Variants in EEA1 observed in about 807,000 individuals in gnomAD.
EEA1 encodes the protein early endosome antigen 1.
EEA1 carries 111 observed loss-of-function variants against 209.2 expected under a neutral mutation model. The observed-to-expected ratio is 0.53, with a 90% CI of 0.45 to 0.62. The LOEUF is 0.62. Ranked by LOEUF, EEA1 falls within the 20% of genes least tolerant of loss-of-function variation. The pLI is 0.00. For missense variants in EEA1, 1,343 were observed against 1,530.8 expected (o/e 0.88, Z 2.05); for synonymous variants, 536 against 540.6 (o/e 0.99, Z 0.12).
chr12:92,889,308 G>C lies in EEA1; in HGVS notation c.117+2321C>G, dbSNP rs1442099563. Reference sequence around the variant, plus strand: ...AATAAGGAGAATGAACAGCTAGAGAGGTAAGAAAAAAACCAGAAGTGTGTG... The same window carrying C: ...AATAAGGAGAATGAACAGCTAGAGACGTAAGAAAAAAACCAGAAGTGTGTG... On this transcript the variant is annotated intron_variant, in intron 2 of 28. Coordinates refer to ENST00000322349, the MANE Select transcript of EEA1 (RefSeq NM_003566.4). Among the ~76,000 whole-genome samples the C allele has an allele frequency of 1.3e-5, 2 of 151,846 alleles. 1 individual carries two copies. Among genetic ancestry groups the C allele is most frequent in the South Asian group, 4.2e-4 (2 of 4,812 alleles).
intron 21 of EEA1, among the ~76,000 whole-genome samples, chr12:92,790,347 G>A (rs151022844): frequency 0.027 from 4,174 of 152,264 alleles, 90 homozygotes; most frequent in Non-Finnish European, 0.037. Context: ...AGCTAAAGGA[G>A]GATGTTCGAA....
At chr12:92,892,989 A>G (rs1470054622) in intron 1 of EEA1, among the ~76,000 whole-genome samples, 2 of 152,160 alleles carry the variant, frequency 1.3e-5, no homozygotes, top group Non-Finnish European at 2.9e-5. Context: ...TGCAAAAAAG[A>G]CCAATGCAGC....
intron 18 of EEA1, among the ~76,000 whole-genome samples, chr12:92,806,815 GTA>G (rs1184969313): frequency 7.2e-5 from 11 of 152,094 alleles, no homozygotes; most frequent in Non-Finnish European, 1.0e-4. Flanking sequence ...TGGTTTAACA[GTA>G]AATCAATCAA....
At chr12:92,885,212 C>T (rs776863399) in intron 2 of EEA1, among the ~76,000 whole-genome samples, 47 of 151,788 alleles carry the variant, frequency 3.1e-4, no homozygotes, top group Non-Finnish European at 6.3e-4. Context: ...GAGGTTGGCA[C>T]TCAAATTGTT....
At position 92,872,047 on chromosome 12, in the gene EEA1, A is replaced by ATT. The variant is rs56671465; in HGVS notation, c.118-7062_118-7061dup. Among the ~76,000 whole-genome samples the ATT allele has an allele frequency of 1.9e-3, 253 of 132,522 alleles. 9 individuals are homozygous for ATT. The highest frequency in any genetic ancestry group is 7.8e-3 in the Middle Eastern group (2 of 258). 86.9% of individuals were successfully genotyped at this position (132,522 alleles called of 152,430 possible). On this transcript the variant is annotated intron_variant, in intron 2 of 28. Coordinates refer to ENST00000322349, the MANE Select transcript of EEA1 (RefSeq NM_003566.4). Reference sequence around the variant, plus strand: ...AGGCGCGTACCACCAGGCCCAGCTAATTTTTTTTTTTTTTTTTTTGAGACG... The same window carrying ATT: ...AGGCGCGTACCACCAGGCCCAGCTAATTTTTTTTTTTTTTTTTTTTTGAGACG...
intron 13 of EEA1, among the ~76,000 whole-genome samples, chr12:92,821,997 T>C (rs1040068539): frequency 2.0e-5 from 3 of 150,628 alleles, no homozygotes; most frequent in Non-Finnish European, 3.0e-5. Context: ...TATATATATA[T>C]ACATATAACT....
At chr12:92,869,256 A>C (rs184381217) in intron 2 of EEA1, among the ~76,000 whole-genome samples, 2 of 152,352 alleles carry the variant, frequency 1.3e-5, no homozygotes, top group East Asian at 3.9e-4. Context: ...AGCCAGCTAC[A>C]TTTATTTCCC....
chr12:92,912,048 A>G (rs1023743390), intron 1 of EEA1, among the ~76,000 whole-genome samples: 9 of 152,226 alleles, frequency 5.9e-5, no homozygotes, highest in Admixed American at 4.6e-4. Flanking sequence ...TTCAGTTAAT[A>G]TATGTAGAAG....
chr12:92,867,289 G>C (rs1210971883), intron 2 of EEA1, among the ~76,000 whole-genome samples: 20 of 152,114 alleles, frequency 1.3e-4, no homozygotes, highest in Non-Finnish European at 8.8e-5. Context: ...CCCTCCAGGA[G>C]CACCCTCATT....
At chr12:92,835,701 G>A (rs1054735361) in intron 10 of EEA1, among the ~76,000 whole-genome samples, 2 of 151,968 alleles carry the variant, frequency 1.3e-5, no homozygotes, top group Non-Finnish European at 2.9e-5. Context: ...ATGAGCCACC[G>A]CGCCCGGCTG....
chr12:92,904,672 C>T (rs79061568), intron 1 of EEA1, among the ~76,000 whole-genome samples: 2,829 of 152,258 alleles, frequency 0.019, 95 homozygotes, highest in African/African-American at 0.063. Flanking sequence ...TGATAATTTG[C>T]TATAGCAGCT....
chr12:92,902,476 C>T (rs1001412408), intron 1 of EEA1, among the ~76,000 whole-genome samples: 8 of 152,332 alleles, frequency 5.3e-5, no homozygotes, highest in Non-Finnish European at 1.2e-4. Context: ...GGTGCGATGG[C>T]TCACGCCTGT....
intron 2 of EEA1, among the ~76,000 whole-genome samples, chr12:92,877,133 T>C (rs1878938775): frequency 6.7e-6 from 1 of 148,710 alleles, no homozygotes; most frequent in Non-Finnish European, 1.5e-5. Flanking sequence ...TTTTCTTTTT[T>C]CTTTTTTTTT....
chr12:92,857,722 AACTG>A (rs1388642892), intron 3 of EEA1, among the ~76,000 whole-genome samples: 2 of 152,232 alleles, frequency 1.3e-5, no homozygotes, highest in African/African-American at 4.8e-5. Flanking sequence ...ATAATCATAT[AACTG>A]ACTGTTAAGT....
At chr12:92,857,652 A>G (rs1877940988) in intron 3 of EEA1, among the ~76,000 whole-genome samples, 167 bp from the exon 4 acceptor site, 1 of 152,194 alleles carries the variant, frequency 6.6e-6, no homozygotes, top group African/African-American at 2.4e-5. Flanking sequence ...ATCCCTCAGA[A>G]AAACGATTTT....
intron 27 of EEA1, 141 bp from the exon 28 acceptor site, chr12:92,777,083 T>G: frequency 1.4e-6 from 1 of 695,720 alleles, no homozygotes; most frequent in East Asian, 2.8e-5. Context: ...AGAAATACAC[T>G]GGTCAGCTTC....
Position 92,779,148 on chromosome 12 carries a change from C to T in EEA1, c.3621G>A (p.Leu1207=), listed in dbSNP as rs1401821368. The T allele has an allele frequency of 6.2e-7, 1 of 1,604,182 alleles. No individual in the cohort carries two copies. The highest frequency in any genetic ancestry group is 2.2e-5 in the East Asian group (1 of 44,712). ...KDQVKKEEEE[L]KKEFIEKEAK... is the part of the protein sequence containing the mutation. ...CTTCTTTCTCAATAAATTCTTTCTT[C>T]AGCTCCTCTTCTTCCTTTTTCACCT... is the stretch of plus-strand genomic sequence containing the variant. The change falls in exon 25 of 29, where the codon CTG becomes CTA. Residue 1207 remains leucine (L), a synonymous_variant. Transcript: ENST00000322349.
chr12:92,848,722 CTTTTTTTT>C (rs71069184), intron 9 of EEA1, among the ~76,000 whole-genome samples: 2 of 64,548 alleles, frequency 3.1e-5, no homozygotes, highest in Admixed American at 5.3e-4. Flanking sequence ...ATATTCTCAC[CTTTTTTTT>C]TTTTTTTTTT....
chr12:92,835,105 T>G (rs915225504), intron 10 of EEA1, among the ~76,000 whole-genome samples: 1 of 151,812 alleles, frequency 6.6e-6, no homozygotes, highest in African/African-American at 2.4e-5. Context: ...ATGGTCTCGA[T>G]CTCCTGACCT....
Sources: gnomAD v4.1 joint callset for allele counts (sites outside exome capture counted in the v4.1 genomes callset) on GRCh38, gnomAD v4.1.1 for gene constraint, MANE v1.5 for transcripts, NCBI Gene and HGNC (gene_info 2026-07-23, HGNC 2026-07-21) for gene names.